The following GPC5 variants were observed in gnomAD, a reference collection of about 807,000 sequenced individuals.
GPC5 encodes the protein glypican-5.
Under a neutral mutation model 53.9 loss-of-function variants are expected in GPC5, and 47 were observed. The ratio of observed to expected loss-of-function variants is 0.87; its 90% CI spans 0.69 to 1.11. The LOEUF (loss-of-function observed/expected upper bound fraction) is 1.11. Ranked by LOEUF, GPC5 falls within the 50% of genes most tolerant of loss-of-function variation. The pLI, the probability that GPC5 is intolerant of heterozygous loss-of-function variation, is 0.00. For missense variants in GPC5, 748 were observed against 713.1 expected, an observed-to-expected ratio of 1.05 and a Z score of -0.56; for synonymous variants, 286 against 263.3, an observed-to-expected ratio of 1.09 and a Z score of -0.84.
At chr13:91,774,904 A>G (rs2037685688) in intron 5 of GPC5, among the ~76,000 whole-genome samples, 1 of 152,142 alleles carries the variant, frequency 6.6e-6, no homozygotes, top group African/African-American at 2.4e-5. Flanking sequence ...TACTGAGAGC[A>G]CTACCCCCAA....
intron 5 of GPC5, among the ~76,000 whole-genome samples, chr13:91,810,798 CAT>C (rs1260358758): frequency 6.6e-6 from 1 of 151,706 alleles, no homozygotes; most frequent in East Asian, 1.9e-4. Flanking sequence ...TATAGTAAAA[CAT>C]TAAGGAAAAA....
chr13:92,637,894 G>A (rs1282129834), intron 7 of GPC5, among the ~76,000 whole-genome samples: 2 of 152,116 alleles, frequency 1.3e-5, no homozygotes, highest in African/African-American at 4.8e-5. Flanking sequence ...TGAGAAACAT[G>A]GAAGAGAGAG....
At position 92,397,547 on chromosome 13, in the gene GPC5, A is replaced by G. The variant is rs563391864; in HGVS notation, c.1561+252558A>G. ...TAATACAGTATGTTTCTATCTTTGT[A>G]TGATTTCCGCAGCTTCTGCTCCAGG... On this transcript the variant is annotated intron_variant, in intron 7 of 7. Transcript: ENST00000377067. 1.2e-4 allele frequency among the ~76,000 whole-genome samples: 18 copies of G among 152,330 alleles called. No homozygotes were observed. The East Asian group carries it at 3.5e-3, about 29-fold the overall frequency.
intron 2 of GPC5, among the ~76,000 whole-genome samples, chr13:91,469,018 C>G (rs952187822): frequency 4.0e-5 from 6 of 151,556 alleles, no homozygotes; most frequent in South Asian, 4.2e-4. Flanking sequence ...GCTGAGACTA[C>G]AGGCATGCAC....
chr13:92,770,231 T>G (rs7989691), intron 7 of GPC5, among the ~76,000 whole-genome samples: 1 of 152,030 alleles, frequency 6.6e-6, no homozygotes, highest in African/African-American at 2.4e-5. Context: ...CTGGGCAATA[T>G]AGGCAGTCCC....
chr13:91,757,492 T>C (rs937637210), intron 5 of GPC5, among the ~76,000 whole-genome samples: 1 of 152,220 alleles, frequency 6.6e-6, no homozygotes, highest in Non-Finnish European at 1.5e-5. Flanking sequence ...TGGTAGGAGA[T>C]CATTTAATCA....
intron 7 of GPC5, among the ~76,000 whole-genome samples, chr13:92,803,067 C>G (rs561346653): frequency 4.8e-4 from 73 of 151,864 alleles, no homozygotes; most frequent in Non-Finnish European, 7.8e-4. Context: ...TTTTAATTAC[C>G]TTAGGAAAAT....
chr13:92,513,585 CT>C (rs914294956), intron 7 of GPC5, among the ~76,000 whole-genome samples: 7 of 146,732 alleles, frequency 4.8e-5, no homozygotes, highest in Non-Finnish European at 8.9e-5. Flanking sequence ...TTTTTCTTTC[CT>C]TTCCTTTCGA....
chr13:92,320,770 C>A (rs147874441), intron 7 of GPC5, among the ~76,000 whole-genome samples: 19 of 152,138 alleles, frequency 1.2e-4, no homozygotes, highest in African/African-American at 4.3e-4. Context: ...TAATTAGGGC[C>A]CCCAAATGTC....
intron 7 of GPC5, among the ~76,000 whole-genome samples, chr13:92,446,306 T>C (rs114510726): frequency 0.017 from 2,538 of 151,802 alleles, 79 homozygotes; most frequent in African/African-American, 0.058. Context: ...GTCAGTTCAA[T>C]TGTTTTAATT....
chr13:91,438,684 A>G (rs1166497702), intron 1 of GPC5, among the ~76,000 whole-genome samples: 1 of 152,102 alleles, frequency 6.6e-6, no homozygotes, highest in Non-Finnish European at 1.5e-5. Context: ...ACTCTCTTCA[A>G]AGCTGTCAGA....
At chr13:92,504,318 A>G (rs564047915) in intron 7 of GPC5, among the ~76,000 whole-genome samples, 1 of 152,074 alleles carries the variant, frequency 6.6e-6, no homozygotes, top group South Asian at 2.1e-4. Context: ...CAGGTATAAA[A>G]CACTGGTGAA....
intron 2 of GPC5, among the ~76,000 whole-genome samples, chr13:91,607,266 C>G (rs150243255): frequency 4.0e-4 from 61 of 152,258 alleles, no homozygotes; most frequent in African/African-American, 1.4e-3. Context: ...AGAACCATAT[C>G]GATCTGTGGT....
intron 2 of GPC5, among the ~76,000 whole-genome samples, chr13:91,547,188 T>G (rs1382559954): frequency 6.6e-6 from 1 of 152,002 alleles, no homozygotes; most frequent in Non-Finnish European, 1.5e-5. Context: ...TTGTGACATA[T>G]CCAACTAGAG....
intron 7 of GPC5, among the ~76,000 whole-genome samples, chr13:92,850,955 T>C (rs1164303501): frequency 6.6e-6 from 1 of 152,166 alleles, no homozygotes; most frequent in Non-Finnish European, 1.5e-5. Context: ...AGAGTTTAAA[T>C]TGGCTCATGG....
intron 2 of GPC5, among the ~76,000 whole-genome samples, chr13:91,466,686 G>C (rs896265253): frequency 6.6e-6 from 1 of 152,042 alleles, no homozygotes; most frequent in Non-Finnish European, 1.5e-5. Flanking sequence ...AGTATATTGA[G>C]AAGGAAAATT....
At chr13:91,976,481 T>C (rs1859112470) in intron 6 of GPC5, among the ~76,000 whole-genome samples, 1 of 152,170 alleles carries the variant, frequency 6.6e-6, no homozygotes, top group Admixed American at 6.5e-5. Flanking sequence ...TCCGTCTCTC[T>C]GATGCCCTAC....
chr13:92,246,659 A>G (rs1179001316), intron 7 of GPC5, among the ~76,000 whole-genome samples: 4 of 152,160 alleles, frequency 2.6e-5, no homozygotes, highest in African/African-American at 7.2e-5. Flanking sequence ...TGTAAAAGCA[A>G]TCTACTAAAA....
At chr13:92,574,587 AT>A (rs1465340761) in intron 7 of GPC5, among the ~76,000 whole-genome samples, 16 of 152,110 alleles carry the variant, frequency 1.1e-4, no homozygotes, top group Non-Finnish European at 1.8e-4. Flanking sequence ...ATTTATATTC[AT>A]GTGAAAGAAC....
Sources: allele counts gnomAD v4.1 joint callset (sites outside exome capture counted in the v4.1 genomes callset), GRCh38; gene constraint gnomAD v4.1.1; transcripts MANE v1.5; gene names NCBI Gene and HGNC (gene_info 2026-07-23, HGNC 2026-07-21).